The following FKRP variants were observed in gnomAD, a reference collection of about 807,000 sequenced individuals.
The protein encoded by FKRP is fukutin related protein.
Under a neutral mutation model 30.6 loss-of-function variants are expected in FKRP, and 25 were observed. The ratio of observed to expected loss-of-function variants is 0.82; its 90% CI spans 0.60 to 1.14. FKRP has a LOEUF of 1.14. FKRP is among the 50% of genes most tolerant of loss of function. The probability of loss-of-function intolerance (pLI) is 0.00; values close to 1 mark genes in which losing one functional copy is unlikely to be tolerated. For missense variants in FKRP, 771 were observed against 727.8 expected (o/e 1.06, Z -0.68); for synonymous variants, 358 against 342.5 (o/e 1.05, Z -0.50).
chr19:46,756,087 C>G lies in FKRP; in HGVS notation c.637C>G (p.Pro213Ala). The G allele has an allele frequency of 2.6e-6, 4 of 1,548,236 alleles. No individual in the cohort carries two copies. Among genetic ancestry groups the G allele is most frequent in the Non-Finnish European group, 3.5e-6 (4 of 1,156,646 alleles). The change falls in exon 4 of 4, where the codon CCC (proline) becomes GCC (alanine). Residue 213 changes from proline (P) to alanine (A), a missense_variant. Coordinates refer to ENST00000318584, the MANE Select transcript of FKRP (RefSeq NM_024301.5). The surrounding 1 kb of genome is among the most constrained non-coding windows in gnomAD (Gnocchi z 6.6). ...RARDLFNLSA[P>A]LARPVGTSLF... is the part of the protein sequence containing the mutation. ...CCGCGACCTCTTCAACCTCTCGGCG[C>G]CCCTGGCCCGGCCGGTGGGCACCAG...
intron 1 of FKRP, chr19:46,746,449 CT>C: frequency 1.0e-6 from 1 of 1,003,478 alleles, no homozygotes; most frequent in Non-Finnish European, 1.2e-6. Context: ...CGGGGCCGGC[CT>C]GCGCGCCCGC....
In FKRP at chr19:46,757,400, G is replaced by T. The variant is rs568361386; in HGVS notation, c.*462G>T. The T allele has an allele frequency of 2.6e-5, 5 of 193,814 alleles. No homozygotes were observed. Among genetic ancestry groups the T allele is most frequent in the Non-Finnish European group, 6.0e-5 (5 of 83,220 alleles). 12.0% of individuals were successfully genotyped at this position (193,814 alleles called of 1,614,324 possible). On this transcript the variant is annotated 3_prime_UTR_variant, in exon 4 of 4. Coordinates refer to ENST00000318584, the MANE Select transcript of FKRP (RefSeq NM_024301.5). ...TATCGCTTCGGAGCCAGGTGGGCCT[G>T]GGGGGGCGTCGCAGTCTCTCTGTGC...
chr19:46,755,563 G>A lies in FKRP; in HGVS notation c.113G>A (p.Gly38Glu), dbSNP rs1599933942. 6.2e-7 allele frequency: 1 copy of A among 1,606,708 alleles called. No homozygotes were observed. Among genetic ancestry groups the A allele is most frequent in the Non-Finnish European group, 8.5e-7 (1 of 1,177,120 alleles). ...CAGCCTAGGAATTCCCGGGCCCGGG[G>A]GCCCCGTCGTGCCTCTGCTGCCGGC... ...QHQPRNSRARGPRRASAAGPR... is the reference protein window; with the variant it reads ...QHQPRNSRAREPRRASAAGPR... Residue 38 changes from glycine to glutamate, a missense_variant, in exon 4 of 4, where the codon GGG becomes GAG. Transcript: ENST00000318584.
chr19:46,746,329 G>C, intron 1 of FKRP: 1 of 1,304,094 alleles, frequency 7.7e-7, no homozygotes, highest in Middle Eastern at 2.8e-4. Context: ...CAGGGGCGGA[G>C]ACCGGGGCCG....
rs940679950 is a variant in FKRP, at chr19:46,757,497, C to A, written c.*559C>A. The A allele has an allele frequency of 2.8e-5, 5 of 176,714 alleles. No individual in the cohort carries two copies. Among genetic ancestry groups the A allele is most frequent in the African/African-American group, 9.6e-5 (4 of 41,596 alleles). 10.9% of individuals were successfully genotyped at this position (176,714 alleles called of 1,614,324 possible). On this transcript the variant is annotated 3_prime_UTR_variant, in exon 4 of 4. Coordinates refer to ENST00000318584, the MANE Select transcript of FKRP (RefSeq NM_024301.5). ...CCGCCACTAGAGGGCGCGCCGGTCC[C>A]GCTCCTGGTGGCCCACTGTGGCTGC...
intron 3 of FKRP, among the ~76,000 whole-genome samples, chr19:46,753,192 G>A (rs918325175): frequency 2.0e-5 from 3 of 149,606 alleles, no homozygotes; most frequent in Non-Finnish European, 3.0e-5. Context: ...TTGGCTGGGC[G>A]CGGTGGCTCA....
chr19:46,747,123 C>T (rs1346347588), intron 1 of FKRP: 1 of 152,562 alleles, frequency 6.6e-6, no homozygotes, highest in Non-Finnish European at 1.5e-5. Context: ...AGAAGCACCT[C>T]TTCCCCAGCC....
chr19:46,748,943 A>G (rs932230371), intron 3 of FKRP: 2 of 152,054 alleles, frequency 1.3e-5, no homozygotes, highest in Admixed American at 1.3e-4. Flanking sequence ...GGGTTTCACC[A>G]TATTGCCCAC....
In FKRP at chr19:46,755,787, G is replaced by T. The variant is rs1327293491; in HGVS notation, c.337G>T (p.Ala113Ser). The T allele has an allele frequency of 2.6e-6, 4 of 1,521,328 alleles. No homozygotes were observed. The highest frequency in any genetic ancestry group is 1.4e-5 in the African/African-American group (1 of 72,794). The allele number at this position is 1,521,328 out of a possible 1,614,324, so 94.2% of individuals were successfully genotyped here. Reference protein sequence around the residue: ...LLQPALDRPAAASRPETYVAT... With the variant: ...LLQPALDRPASASRPETYVAT... ...CCAGCCCGCCCTGGACCGGCCAGCC[G>T]CAGCCTCGCGCCCGGAGACCTACGT... Residue 113 changes from alanine to serine, a missense_variant, in exon 4 of 4, where the codon GCA becomes TCA. Transcript: ENST00000318584.
chr19:46,756,732 A>G lies in FKRP; in HGVS notation c.1282A>G (p.Thr428Ala), dbSNP rs886042793. 1 of 1,610,600 alleles carries G rather than the reference A, an allele frequency of 6.2e-7. No individual in the cohort carries two copies. Reference protein sequence around the residue: ...WPFYPRNGVMTKDTWLDHRQD... With the variant: ...WPFYPRNGVMAKDTWLDHRQD... ...CTTCTACCCCCGCAATGGCGTCATG[A>G]CCAAGGACACGTGGCTGGACCACCG... Residue 428 changes from threonine to alanine, a missense_variant, in exon 4 of 4, where the codon ACC becomes GCC. By Grantham distance (58) the Thr-to-Ala change is moderately conservative. Coordinates refer to ENST00000318584, the MANE Select transcript of FKRP (RefSeq NM_024301.5). This position sits in a 1 kb window ranked among gnomAD's most constrained non-coding sequence, Gnocchi z 6.6.
chr19:46,756,184 A>G lies in FKRP; in HGVS notation c.734A>G (p.Gln245Arg). ...LLDLTFAAARQPPLATAHARW... is the reference protein window; with the variant it reads ...LLDLTFAAARRPPLATAHARW... ...GACTTGACCTTCGCCGCGGCGCGCC[A>G]GCCCCCGCTGGCCACGGCCCACGCG... Residue 245 changes from glutamine (Q) to arginine (R), a missense_variant, in exon 4 of 4, where the codon CAG (glutamine) becomes CGG (arginine). Gln to Arg is a conservative substitution (Grantham distance 43). Transcript: ENST00000318584. The surrounding 1 kb of genome is among the most constrained non-coding windows in gnomAD (Gnocchi z 6.6). The G allele has an allele frequency of 6.9e-7, 1 of 1,439,658 alleles. No homozygotes were observed. The highest frequency in any genetic ancestry group is 9.1e-7 in the Non-Finnish European group (1 of 1,102,464). The allele number at this position is 1,439,658 out of a possible 1,614,324, so 89.2% of individuals were successfully genotyped here.
chr19:46,755,456 G>T lies in FKRP; in HGVS notation c.6G>T (p.Arg2=). M[R]LTRCQAALAA... ...TAGCCCCAGACTTCGGCCCCATGCG[G>T]CTCACCCGCTGCCAGGCTGCCCTGG... The change falls in exon 4 of 4, where the codon CGG becomes CGT. Residue 2 remains arginine, a synonymous_variant. Coordinates refer to ENST00000318584, the MANE Select transcript of FKRP (RefSeq NM_024301.5). 6.2e-7 allele frequency: 1 copy of T among 1,605,584 alleles called. No homozygotes were observed. Among genetic ancestry groups the T allele is most frequent in the Non-Finnish European group, 8.5e-7 (1 of 1,179,100 alleles).
In FKRP at chr19:46,753,326, G is replaced by A. The variant is rs199688080; in HGVS notation, c.-39-2086G>A. Among the ~76,000 whole-genome samples, 17 of 16,544 alleles carry A rather than the reference G, an allele frequency of 1.0e-3. No homozygotes were observed. In the South Asian group the frequency reaches 0.021, roughly 21 times the overall value. The allele number at this position is 16,544 out of a possible 152,430, so 10.9% of individuals were successfully genotyped here. A position where few individuals can be genotyped will look rare whatever the true frequency, so the allele number is the denominator to read the frequency against. On this transcript the variant is annotated intron_variant, in intron 3 of 3. Transcript: ENST00000318584. The stretch of plus-strand genomic sequence containing the variant: ...TACAAAATTAGCCGGGTGTGGTGGC[G>A]CATGCCTGTAATCCCAGCTACTCAG...
chr19:46,756,744 T>C lies in FKRP; in HGVS notation c.1294T>C (p.Trp432Arg). The change falls in exon 4 of 4, where the codon TGG becomes CGG. Residue 432 changes from tryptophan to arginine, a missense_variant. Coordinates refer to ENST00000318584, the MANE Select transcript of FKRP (RefSeq NM_024301.5). This position sits in a 1 kb window ranked among gnomAD's most constrained non-coding sequence, Gnocchi z 6.6. Reference protein sequence around the residue: ...PRNGVMTKDTWLDHRQDVEFP... With the variant: ...PRNGVMTKDTRLDHRQDVEFP... ...CAATGGCGTCATGACCAAGGACACG[T>C]GGCTGGACCACCGGCAGGATGTGGA... is the stretch of plus-strand genomic sequence containing the variant. 1.9e-6 allele frequency: 3 copies of C among 1,608,960 alleles called. No individual in the cohort carries two copies. Among genetic ancestry groups the C allele is most frequent in the Non-Finnish European group, 2.5e-6 (3 of 1,177,966 alleles).
intron 3 of FKRP, among the ~76,000 whole-genome samples, chr19:46,752,494 G>T (rs1044580329): frequency 6.6e-6 from 1 of 152,106 alleles, no homozygotes; most frequent in African/African-American, 2.4e-5. Flanking sequence ...CATGTTGTAG[G>T]AGTTCAACAA....
chr19:46,755,561 G>A lies in FKRP; in HGVS notation c.111G>A (p.Arg37=), dbSNP rs746276490. ...LQHQPRNSRA[R]GPRRASAAGP... ...ACCAGCCTAGGAATTCCCGGGCCCG[G>A]GGGCCCCGTCGTGCCTCTGCTGCCG... is the stretch of plus-strand genomic sequence containing the variant. The change falls in exon 4 of 4, where the codon CGG becomes CGA. Residue 37 remains arginine (R), a synonymous_variant. Transcript: ENST00000318584. The A allele has an allele frequency of 6.8e-6, 11 of 1,607,134 alleles. No individual in the cohort carries two copies. In the Admixed American group the frequency reaches 1.2e-4, roughly 17 times the overall value.
chr19:46,755,379 G>A, intron 3 of FKRP, 33 bp from the exon 4 acceptor site: 1 of 1,400,040 alleles, frequency 7.1e-7, no homozygotes, highest in Non-Finnish European at 9.6e-7. Context: ...CTGACAATCA[G>A]CTGCTGCCTT....
rs376315232 is a variant in FKRP, at chr19:46,746,493, ACCC to A, written c.-253+411_-253+413del. The A allele has an allele frequency of 5.2e-4, 351 of 681,550 alleles. 2 individuals carry two copies. Among genetic ancestry groups the A allele is most frequent in the South Asian group, 3.5e-3 (52 of 15,032 alleles). 42.2% of individuals were successfully genotyped at this position (681,550 alleles called of 1,614,324 possible). ...CGCGCGCCTGCGCGGCCGCGCCAAC[ACCC>A]CCCCCCCTCCCCCGCCGCAACCACC... On this transcript the variant is annotated intron_variant, in intron 1 of 3. Transcript: ENST00000318584.
Position 46,755,951 on chromosome 19 carries a change from G to C in FKRP, c.501G>C (p.Arg167Ser), listed in dbSNP as rs2054906317. 1.3e-6 allele frequency: 2 copies of C among 1,536,048 alleles called. No individual in the cohort carries two copies. Among genetic ancestry groups the C allele is most frequent in the East Asian group, 4.9e-5 (2 of 40,906 alleles). Residue 167 changes from arginine to serine, a missense_variant, in exon 4 of 4, where the codon AGG becomes AGC. Physicochemically the swap from Arg to Ser is moderately radical, Grantham distance 110. Transcript: ENST00000318584. ...AAPVATANPARCLALNVSLRE... is the reference protein window; with the variant it reads ...AAPVATANPASCLALNVSLRE... Reference sequence around the variant, plus strand: ...CGGTTGCCACGGCCAACCCTGCCAGGTGCCTGGCCCTGAACGTCAGCCTGC... The same window carrying C: ...CGGTTGCCACGGCCAACCCTGCCAGCTGCCTGGCCCTGAACGTCAGCCTGC...
Sources: allele counts gnomAD v4.1 joint callset (sites outside exome capture counted in the v4.1 genomes callset), GRCh38; gene constraint gnomAD v4.1.1; non-coding constraint Gnocchi (gnomAD v3.1); transcripts MANE v1.5; gene names NCBI Gene and HGNC (gene_info 2026-07-23, HGNC 2026-07-21).